FBXL7: variants seen among roughly 807,000 people sequenced by gnomAD.
FBXL7 encodes the protein F-box/LRR-repeat protein 7.
A neutral mutation model predicts 38.3 loss-of-function variants in FBXL7; 12 were observed. That is an observed-to-expected ratio of 0.31 (90% CI 0.20 to 0.51). FBXL7 has a LOEUF of 0.51. Among genes scored for constraint, FBXL7 ranks in the 20% least tolerant of loss-of-function variants. FBXL7 has a pLI of 0.98. For missense variants in FBXL7, 567 were observed against 676.4 expected, an observed-to-expected ratio of 0.84 and a Z score of 1.79; for synonymous variants, 297 against 300.9, an observed-to-expected ratio of 0.99 and a Z score of 0.13.
intron 1 of FBXL7, among the ~76,000 whole-genome samples, chr5:15,545,177 C>T (rs926050693): frequency 5.9e-5 from 9 of 152,324 alleles, no homozygotes; most frequent in Non-Finnish European, 1.0e-4. Context: ...TCACAACACA[C>T]ATGTCATGCT....
intron 1 of FBXL7, among the ~76,000 whole-genome samples, chr5:15,564,171 G>A (rs1229895495): frequency 6.6e-6 from 1 of 152,002 alleles, no homozygotes; most frequent in African/African-American, 2.4e-5. Context: ...GGGCTCTGGA[G>A]TGTCTATTAT....
At chr5:15,713,664 G>A (rs539312606) in intron 2 of FBXL7, among the ~76,000 whole-genome samples, 2 of 152,284 alleles carry the variant, frequency 1.3e-5, no homozygotes, top group Admixed American at 6.5e-5. Flanking sequence ...TTAGATGATT[G>A]TAGATTTAAA....
chr5:15,781,754 A>G lies in FBXL7; in HGVS notation c.128-146136A>G. On this transcript the variant is annotated intron_variant, in intron 2 of 3. Coordinates refer to ENST00000504595, the MANE Select transcript of FBXL7 (RefSeq NM_012304.5). Reference sequence around the variant, plus strand: ...ATGCATAGCTAGACCTCTCTTGATAAGTATTGCTATAAAGGAGAGTGTAAA... The same window carrying G: ...ATGCATAGCTAGACCTCTCTTGATAGGTATTGCTATAAAGGAGAGTGTAAA... 1.3e-5 allele frequency among the ~76,000 whole-genome samples: 2 copies of G among 152,148 alleles called. 1 individual carries two copies.
At chr5:15,554,962 A>G (rs1477356253) in intron 1 of FBXL7, among the ~76,000 whole-genome samples, 2 of 152,332 alleles carry the variant, frequency 1.3e-5, no homozygotes, top group East Asian at 3.9e-4. Context: ...GAAATATGTA[A>G]GTCCTTGGTG....
chr5:15,689,417 A>C (rs1428452698), intron 2 of FBXL7, among the ~76,000 whole-genome samples: 1 of 152,046 alleles, frequency 6.6e-6, no homozygotes, highest in Non-Finnish European at 1.5e-5. Context: ...TCTCTTAAGT[A>C]TTTCATTAAG....
chr5:15,753,050 A>T (rs1736195296), intron 2 of FBXL7, among the ~76,000 whole-genome samples: 1 of 152,182 alleles, frequency 6.6e-6, no homozygotes, highest in South Asian at 2.1e-4. Context: ...TTCAAGAAGC[A>T]CTTGGCTACT....
intron 2 of FBXL7, among the ~76,000 whole-genome samples, chr5:15,702,309 G>T (rs1743551553): frequency 6.6e-6 from 1 of 151,804 alleles, no homozygotes; most frequent in Admixed American, 6.6e-5. Flanking sequence ...GGCTCATACA[G>T]GAAGTATTGC....
chr5:15,901,406 G>A (rs1050680456), intron 2 of FBXL7, among the ~76,000 whole-genome samples: 7 of 152,110 alleles, frequency 4.6e-5, no homozygotes, highest in African/African-American at 9.7e-5. Flanking sequence ...ACCTAATCAC[G>A]TCCCAAAGAC....
chr5:15,928,549 C>A lies in FBXL7; in HGVS notation c.739+48C>A. ...GCTATGGGCCCTCCTGGTGCACCAT[C>A]CTAAAACAGTGGGGACAGTGCCACC... On this transcript the variant is annotated intron_variant, in intron 3 of 3. Coordinates refer to ENST00000504595, the MANE Select transcript of FBXL7 (RefSeq NM_012304.5). This position sits in a 1 kb window ranked among gnomAD's most constrained non-coding sequence, Gnocchi z 4.0. 6 of 1,561,856 alleles carry A rather than the reference C, an allele frequency of 3.8e-6. No individual in the cohort carries two copies. Among genetic ancestry groups the A allele is most frequent in the Non-Finnish European group, 5.2e-6 (6 of 1,152,546 alleles).
At chr5:15,528,901 G>A (rs990061913) in intron 1 of FBXL7, among the ~76,000 whole-genome samples, 9 of 152,158 alleles carry the variant, frequency 5.9e-5, no homozygotes, top group Non-Finnish European at 7.3e-5. Flanking sequence ...GCTAATAAAC[G>A]TGCATGACCT....
At chr5:15,844,129 G>T (rs1275030121) in intron 2 of FBXL7, among the ~76,000 whole-genome samples, 2 of 152,144 alleles carry the variant, frequency 1.3e-5, no homozygotes, top group African/African-American at 2.4e-5. Context: ...CACTAAGAAG[G>T]TGGGAAATTT....
At chr5:15,869,293 A>C (rs925993149) in intron 2 of FBXL7, among the ~76,000 whole-genome samples, 5 of 152,154 alleles carry the variant, frequency 3.3e-5, no homozygotes, top group African/African-American at 1.2e-4. Context: ...AAGGGTGTGA[A>C]TACCAGGAAG....
chr5:15,572,160 CTGAGTA>C (rs1012379705), intron 1 of FBXL7, among the ~76,000 whole-genome samples: 5 of 152,040 alleles, frequency 3.3e-5, no homozygotes, highest in African/African-American at 1.2e-4. Context: ...CATTTACTAT[CTGAGTA>C]TATTTGGCAT....
intron 2 of FBXL7, among the ~76,000 whole-genome samples, chr5:15,741,776 G>A (rs977910124): frequency 2.6e-5 from 4 of 152,034 alleles, no homozygotes; most frequent in Non-Finnish European, 5.9e-5. Context: ...ATTTAAAAAT[G>A]TAGAAAGAAG....
intron 2 of FBXL7, among the ~76,000 whole-genome samples, chr5:15,668,275 A>G (rs1429053472): frequency 7.2e-5 from 11 of 152,062 alleles, no homozygotes; most frequent in Admixed American, 6.6e-4. Context: ...GAAAAATCCT[A>G]TACTGACCAG....
intron 2 of FBXL7, among the ~76,000 whole-genome samples, chr5:15,872,041 G>A (rs1483995881): frequency 2.0e-5 from 3 of 152,128 alleles, no homozygotes; most frequent in Non-Finnish European, 2.9e-5. Context: ...CAGAGAGAAA[G>A]GTCGGGTTAC....
chr5:15,707,468 C>G (rs999336170), intron 2 of FBXL7, among the ~76,000 whole-genome samples: 11 of 152,078 alleles, frequency 7.2e-5, no homozygotes, highest in African/African-American at 2.7e-4. Context: ...TTTGTGACAC[C>G]TAGCCTGGCC....
intron 1 of FBXL7, among the ~76,000 whole-genome samples, chr5:15,613,926 T>C (rs1326927782): frequency 6.6e-6 from 1 of 152,114 alleles, no homozygotes; most frequent in Non-Finnish European, 1.5e-5. Flanking sequence ...CTTCCTACTT[T>C]ATAAACAGTC....
At chr5:15,657,361 T>C (rs1264689890) in intron 2 of FBXL7, among the ~76,000 whole-genome samples, 4 of 152,188 alleles carry the variant, frequency 2.6e-5, no homozygotes, top group Non-Finnish European at 5.9e-5. Flanking sequence ...TAAAATCTTA[T>C]ATAAAACTAC....
Sources: allele counts gnomAD v4.1 joint callset (sites outside exome capture counted in the v4.1 genomes callset), GRCh38; gene constraint gnomAD v4.1.1; non-coding constraint Gnocchi (gnomAD v3.1); transcripts MANE v1.5; gene names NCBI Gene and HGNC (gene_info 2026-07-23, HGNC 2026-07-21).